CSMD2: variants seen among roughly 807,000 people sequenced by gnomAD.
CSMD2 encodes the protein CUB and sushi domain-containing protein 2.
A neutral mutation model predicts 398.5 loss-of-function variants in CSMD2; 130 were observed. That is an observed-to-expected ratio of 0.33 (90% CI 0.28 to 0.38). The LOEUF is 0.38. CSMD2 is among the 10% of genes least tolerant of loss of function. The pLI, the probability that CSMD2 is intolerant of heterozygous loss-of-function variation, is 1.00. For synonymous variants in CSMD2, 1,828 were observed against 1,908.5 expected, an observed-to-expected ratio of 0.96 and a Z score of 1.10; for missense variants, 3,829 against 4,764.9, an observed-to-expected ratio of 0.80 and a Z score of 5.78.
chr1:33,959,306 C>A (rs2125391162), intron 3 of CSMD2, among the ~76,000 whole-genome samples: 1 of 152,320 alleles, frequency 6.6e-6, no homozygotes, highest in African/African-American at 2.4e-5. Context: ...AGGCAGGGAT[C>A]GTGTATGCCT....
At chr1:33,934,548 A>C (rs1305481981) in intron 4 of CSMD2, among the ~76,000 whole-genome samples, 1 of 152,234 alleles carries the variant, frequency 6.6e-6, no homozygotes, top group Non-Finnish European at 1.5e-5. Flanking sequence ...AATTGTCTGC[A>C]TGCATCATAA....
chr1:33,969,942 C>T (rs1461468180), intron 3 of CSMD2, among the ~76,000 whole-genome samples: 1 of 151,816 alleles, frequency 6.6e-6, no homozygotes, highest in Non-Finnish European at 1.5e-5. Context: ...AACCCCACCT[C>T]TACTAAAAAA....
At chr1:33,946,732 C>T (rs1248717534) in intron 3 of CSMD2, among the ~76,000 whole-genome samples, 1 of 151,844 alleles carries the variant, frequency 6.6e-6, no homozygotes, top group African/African-American at 2.4e-5. Context: ...GAGTCTCCTG[C>T]CTCAGCCTCC....
chr1:33,715,742 G>T (rs780052389), intron 20 of CSMD2, among the ~76,000 whole-genome samples: 1 of 152,104 alleles, frequency 6.6e-6, no homozygotes, highest in Non-Finnish European at 1.5e-5. Context: ...TGAAGGGCTC[G>T]GTATGAGAGG....
At chr1:33,680,431 C>G (rs1188486040) in intron 25 of CSMD2, among the ~76,000 whole-genome samples, 1 of 152,078 alleles carries the variant, frequency 6.6e-6, no homozygotes, top group African/African-American at 2.4e-5. Flanking sequence ...TAGAGGCTTC[C>G]TTTCCCTGTG....
At position 33,624,560 on chromosome 1, in the gene CSMD2, AG is replaced by A; in HGVS notation, c.5583del (p.Cys1862ValfsTer21). On this transcript the variant is annotated frameshift_variant, in exon 35 of 71. Transcript: ENST00000373381. LOFTEE classifies it high-confidence loss of function. This position sits in a 1 kb window ranked among gnomAD's most constrained non-coding sequence, Gnocchi z 4.7. Reference sequence around the variant, plus strand: ...TCGGGGACCACGATCTTCCACACACAGTTGAGGCTGTTGAGGTACGGCTCTG... The same window carrying A: ...TCGGGGACCACGATCTTCCACACACATTGAGGCTGTTGAGGTACGGCTCTG... Reference protein sequence around the residue: ...GFPEPYLNSLNCVWKIVVPEG... With the variant: ...GFPEPYLNSLXCVWKIVVPEG... The A allele has an allele frequency of 6.2e-7, 1 of 1,613,914 alleles. No individual in the cohort carries two copies. Among genetic ancestry groups the A allele is most frequent in the Non-Finnish European group, 8.5e-7 (1 of 1,179,904 alleles).
intron 10 of CSMD2, among the ~76,000 whole-genome samples, chr1:33,799,309 T>C (rs1056902501): frequency 3.3e-5 from 5 of 152,244 alleles, no homozygotes; most frequent in African/African-American, 9.6e-5. Flanking sequence ...AGTTTGCTGA[T>C]GGCTTCCCTA....
At chr1:33,556,893 T>C (rs1338044739) in intron 55 of CSMD2, among the ~76,000 whole-genome samples, 1 of 152,164 alleles carries the variant, frequency 6.6e-6, no homozygotes, top group African/African-American at 2.4e-5. Flanking sequence ...CCTTCCACCA[T>C]GATTGTAAGT....
At position 33,559,201 on chromosome 1, in the gene CSMD2, A is replaced by G. The variant is rs1173753311; in HGVS notation, c.8554+99T>C. 2 of 1,129,226 alleles carry G rather than the reference A, an allele frequency of 1.8e-6. No homozygotes were observed. The highest frequency in any genetic ancestry group is 3.1e-5 in the African/African-American group (2 of 65,250). The allele number at this position is 1,129,226 out of a possible 1,614,324, so 70.0% of individuals were successfully genotyped here. On this transcript the variant is annotated intron_variant, in intron 54 of 70. Coordinates refer to ENST00000373381, the MANE Select transcript of CSMD2 (RefSeq NM_001281956.2). This position sits in a 1 kb window ranked among gnomAD's most constrained non-coding sequence, Gnocchi z 4.0. ...CTCCATCTTCCCTATCTGGATCAGA[A>G]TGATGCCAGAATGAATTCACTGGCT...
At chr1:34,027,489 C>T (rs1558267617) in intron 3 of CSMD2, among the ~76,000 whole-genome samples, 3 of 152,200 alleles carry the variant, frequency 2.0e-5, no homozygotes, top group Admixed American at 6.5e-5. Context: ...AATCTACATA[C>T]TCTTTGACCC....
chr1:34,042,917 T>C (rs1165021892), intron 2 of CSMD2, among the ~76,000 whole-genome samples: 2 of 150,188 alleles, frequency 1.3e-5, no homozygotes, highest in Non-Finnish European at 3.0e-5. Context: ...GCCTCCCGAG[T>C]AGCTAGGATT....
chr1:33,934,633 T>C (rs1013534222), intron 4 of CSMD2, among the ~76,000 whole-genome samples: 2 of 152,208 alleles, frequency 1.3e-5, no homozygotes, highest in African/African-American at 4.8e-5. Flanking sequence ...AGGACATACA[T>C]TAAAATCACA....
chr1:33,732,527 A>T (rs1254672488), intron 15 of CSMD2, among the ~76,000 whole-genome samples: 2 of 152,208 alleles, frequency 1.3e-5, no homozygotes, highest in East Asian at 3.9e-4. Flanking sequence ...ACAGAGAGGA[A>T]GTGGGCATCT....
At chr1:33,536,272 G>A (rs913435987) in intron 62 of CSMD2, among the ~76,000 whole-genome samples, 2 of 152,112 alleles carry the variant, frequency 1.3e-5, no homozygotes, top group African/African-American at 4.8e-5. Context: ...TGCCCAGGCT[G>A]GAGTGCAGTG....
At position 33,533,364 on chromosome 1, in the gene CSMD2, C is replaced by A. The variant is rs1487019467; in HGVS notation, c.9992-135G>T. ...TCCCTTTCATGCCAAGCATCCCCCT[C>A]CCTAATCCTCCACCCTAACCCAAGC... On this transcript the variant is annotated intron_variant, in intron 63 of 70. Transcript: ENST00000373381. The surrounding 1 kb of genome is among the most constrained non-coding windows in gnomAD (Gnocchi z 4.2). 6 of 783,016 alleles carry A rather than the reference C, an allele frequency of 7.7e-6. No homozygotes were observed. The South Asian group carries it at 8.4e-5, about 11-fold the overall frequency. 48.5% of individuals were successfully genotyped at this position (783,016 alleles called of 1,614,324 possible). A position where few individuals can be genotyped will look rare whatever the true frequency, so the allele number is the denominator to read the frequency against.
chr1:33,558,100 CAT>C (rs1207365979), intron 54 of CSMD2, among the ~76,000 whole-genome samples, 178 bp from the exon 55 acceptor site: 1 of 152,204 alleles, frequency 6.6e-6, no homozygotes, highest in East Asian at 1.9e-4. Flanking sequence ...TCCAGCTAGA[CAT>C]CACCTCCTTA....
intron 2 of CSMD2, among the ~76,000 whole-genome samples, chr1:34,043,762 A>G (rs2148196251): frequency 6.6e-6 from 1 of 152,260 alleles, no homozygotes; most frequent in African/African-American, 2.4e-5. Flanking sequence ...GGTCTAAACA[A>G]TTTGTACAAA....
At chr1:33,579,590 G>C (rs1303998120) in intron 48 of CSMD2, among the ~76,000 whole-genome samples, 1 of 152,094 alleles carries the variant, frequency 6.6e-6, no homozygotes, top group African/African-American at 2.4e-5. Context: ...GGTCTTGCAA[G>C]TAGGAGACCC....
intron 3 of CSMD2, among the ~76,000 whole-genome samples, chr1:33,990,225 T>C (rs1168869279): frequency 1.3e-5 from 2 of 152,100 alleles, no homozygotes; most frequent in African/African-American, 4.8e-5. Context: ...TGAGCTGAGA[T>C]CGTGCCACTG....
Sources: gnomAD v4.1 joint callset for allele counts (sites outside exome capture counted in the v4.1 genomes callset) on GRCh38, gnomAD v4.1.1 for gene constraint, Gnocchi (gnomAD v3.1) non-coding constraint, MANE v1.5 for transcripts, NCBI Gene and HGNC (gene_info 2026-07-23, HGNC 2026-07-21) for gene names.